Variants in NBEA observed in about 807,000 individuals in gnomAD.
The protein encoded by NBEA is neurobeachin.
NBEA carries 44 observed loss-of-function variants against 343.4 expected under a neutral mutation model. That is an observed-to-expected ratio of 0.13 (90% CI 0.10 to 0.16). NBEA has a LOEUF of 0.16. Among genes scored for constraint, NBEA ranks in the 10% least tolerant of loss-of-function variants. NBEA has a pLI of 1.00. For synonymous variants in NBEA, 1,175 were observed against 1,238.7 expected (o/e 0.95, Z 1.08); for missense variants, 2,555 against 3,631.3 (o/e 0.70, Z 7.62).
intron 41 of NBEA, among the ~76,000 whole-genome samples, chr13:35,532,659 A>G (rs2078322054): frequency 6.6e-6 from 1 of 152,090 alleles, no homozygotes; most frequent in South Asian, 2.1e-4. Flanking sequence ...GTTAAGTAAA[A>G]TATGACAATA....
chr13:35,576,122 G>GTTT (rs376186194), intron 45 of NBEA, among the ~76,000 whole-genome samples: 2 of 143,322 alleles, frequency 1.4e-5, no homozygotes, highest in Non-Finnish European at 1.5e-5. Flanking sequence ...TTTTGGTTTG[G>GTTT]TTTTTTTTTT....
At chr13:35,112,042 G>T (rs1212116095) in intron 13 of NBEA, among the ~76,000 whole-genome samples, 4 of 148,594 alleles carry the variant, frequency 2.7e-5, no homozygotes, top group Non-Finnish European at 4.4e-5. Context: ...TCAGCCTCCC[G>T]AGTAGCTGGG....
chr13:34,944,310 A>G (rs2152477760), intron 1 of NBEA, among the ~76,000 whole-genome samples: 1 of 152,326 alleles, frequency 6.6e-6, no homozygotes, highest in South Asian at 2.1e-4. Flanking sequence ...ACTCTATTGG[A>G]AAACTGAGAG....
chr13:34,973,171 T>C (rs1022686513), intron 1 of NBEA, among the ~76,000 whole-genome samples: 1 of 152,150 alleles, frequency 6.6e-6, no homozygotes, highest in Admixed American at 6.5e-5. Context: ...CCCCTTCCTC[T>C]GGGTGCTCCA....
intron 36 of NBEA, among the ~76,000 whole-genome samples, chr13:35,332,854 A>T (rs557334093): frequency 9.9e-5 from 15 of 152,276 alleles, no homozygotes; most frequent in African/African-American, 3.6e-4. Flanking sequence ...GAGTACACTC[A>T]TTGAGGCATC....
intron 47 of NBEA, among the ~76,000 whole-genome samples, chr13:35,606,026 T>G (rs1469085716): frequency 6.6e-6 from 1 of 152,136 alleles, no homozygotes; most frequent in Non-Finnish European, 1.5e-5. Flanking sequence ...TGGCAATTAG[T>G]TTTTAATTTG....
chr13:35,035,750 A>G (rs896471375), intron 1 of NBEA, among the ~76,000 whole-genome samples: 3 of 151,906 alleles, frequency 2.0e-5, no homozygotes, highest in Non-Finnish European at 2.9e-5. Flanking sequence ...TGACACCCTT[A>G]TCTTTATATA....
intron 1 of NBEA, among the ~76,000 whole-genome samples, chr13:34,968,337 C>A (rs776075184): frequency 3.9e-5 from 6 of 152,124 alleles, no homozygotes; most frequent in Non-Finnish European, 8.8e-5. Context: ...CTTATATTCA[C>A]TTGCTTAGTT....
chr13:35,394,784 C>T (rs1319277305), intron 38 of NBEA, among the ~76,000 whole-genome samples: 2 of 152,060 alleles, frequency 1.3e-5, no homozygotes, highest in South Asian at 2.1e-4. Context: ...TCTTTTTCTA[C>T]TTATATTAGG....
At chr13:35,296,535 G>A (rs1594112474) in intron 35 of NBEA, among the ~76,000 whole-genome samples, 1 of 151,988 alleles carries the variant, frequency 6.6e-6, no homozygotes, top group Non-Finnish European at 1.5e-5. Context: ...TGACAGAAGA[G>A]AAGGAATGTA....
chr13:35,249,005 C>T (rs183512741), intron 34 of NBEA, among the ~76,000 whole-genome samples: 43 of 151,984 alleles, frequency 2.8e-4, no homozygotes, highest in South Asian at 1.7e-3. Flanking sequence ...CAAAATTAGC[C>T]GGGCATGTTG....
intron 49 of NBEA, 128 bp downstream of exon 49, chr13:35,628,376 G>T: frequency 1.5e-6 from 1 of 689,608 alleles, no homozygotes; most frequent in Non-Finnish European, 2.2e-6. Context: ...TCAGGTTCTT[G>T]ACATATGTGG....
chr13:35,200,273 T>C (rs1279072298), intron 31 of NBEA, among the ~76,000 whole-genome samples: 1 of 151,972 alleles, frequency 6.6e-6, no homozygotes, highest in Non-Finnish European at 1.5e-5. Context: ...ACTTTTACTT[T>C]GGAGTAATGC....
chr13:35,034,164 T>C (rs2062350827), intron 1 of NBEA, among the ~76,000 whole-genome samples: 1 of 151,970 alleles, frequency 6.6e-6, no homozygotes, highest in Non-Finnish European at 1.5e-5. Context: ...TATATGCTTT[T>C]TGTTGTGTTG....
intron 46 of NBEA, among the ~76,000 whole-genome samples, chr13:35,586,212 G>A (rs1265758576): frequency 6.6e-6 from 1 of 152,094 alleles, no homozygotes; most frequent in Non-Finnish European, 1.5e-5. Flanking sequence ...GACAGCTCTA[G>A]TTTGTAGGTC....
At chr13:35,275,886 G>A (rs1048331090) in intron 34 of NBEA, among the ~76,000 whole-genome samples, 1 of 152,042 alleles carries the variant, frequency 6.6e-6, no homozygotes, top group Admixed American at 6.6e-5. Flanking sequence ...AGCCTTAGGA[G>A]AAATACCTAA....
intron 38 of NBEA, among the ~76,000 whole-genome samples, chr13:35,363,741 A>G (rs2040946004): frequency 1.3e-5 from 2 of 152,002 alleles, no homozygotes; most frequent in South Asian, 2.1e-4. Context: ...GTACTATATA[A>G]CCATGGAACA....
At chr13:35,353,435 A>C (rs1291390332) in intron 38 of NBEA, among the ~76,000 whole-genome samples, 3 of 141,412 alleles carry the variant, frequency 2.1e-5, no homozygotes, top group Non-Finnish European at 4.5e-5. Context: ...ACTTTGTCTC[A>C]AAAAAAAAAG....
chr13:35,134,299 C>T (rs1370242566), intron 17 of NBEA, among the ~76,000 whole-genome samples: 1 of 151,068 alleles, frequency 6.6e-6, no homozygotes, highest in Non-Finnish European at 1.5e-5. Context: ...AAACTTGGCT[C>T]AACAGATATA....
Sources: gnomAD v4.1 joint callset for allele counts (sites outside exome capture counted in the v4.1 genomes callset) on GRCh38, gnomAD v4.1.1 for gene constraint, MANE v1.5 for transcripts, NCBI Gene and HGNC (gene_info 2026-07-23, HGNC 2026-07-21) for gene names.